NBPF11: variants seen among roughly 807,000 people sequenced by gnomAD.
The protein encoded by NBPF11 is NBPF member 11.
In NBPF11, 72 loss-of-function variants were observed where a neutral mutation model predicts 93.9. The observed-to-expected ratio is 0.77, with a 90% confidence interval of 0.63 to 0.93. The LOEUF is 0.93. Among genes scored for constraint, NBPF11 ranks in the 40% least tolerant of loss-of-function variants. The pLI, the probability that NBPF11 is intolerant of heterozygous loss-of-function variation, is 0.00. For synonymous variants in NBPF11, 224 were observed against 304.9 expected (o/e 0.73, Z 2.76); for missense variants, 705 against 802.2 (o/e 0.88, Z 1.46).
In NBPF11 at chr1:148,106,193, G is replaced by C. The variant is rs1227730050; in HGVS notation, c.2291C>G (p.Pro764Arg). Reference sequence around the variant, plus strand: ...ATTGCTCAGTTACCTGGGGCACGGTGGGCCTTGGTCTTCTTCCTCTTCTTG... The same window carrying C: ...ATTGCTCAGTTACCTGGGGCACGGTCGGCCTTGGTCTTCTTCCTCTTCTTG... ...KDQEEEEDQG[P>R]PCPRLSRELL... The change falls in exon 21 of 24, where the codon CCA becomes CGA. Residue 764 changes from proline to arginine, a missense_variant. By Grantham distance (103) the Pro-to-Arg change is moderately radical. Coordinates refer to ENST00000682118, the MANE Select transcript of NBPF11 (RefSeq NM_001385469.3). The C allele has an allele frequency of 1.1e-6, 1 of 943,472 alleles. No homozygotes were observed. Among genetic ancestry groups the C allele is most frequent in the East Asian group, 2.4e-5 (1 of 41,880 alleles). The allele number at this position is 943,472 out of a possible 1,614,324, so 58.4% of individuals were successfully genotyped here. A position where few individuals can be genotyped will look rare whatever the true frequency, so the allele number is the denominator to read the frequency against.
In NBPF11 at chr1:148,143,785, GGCAGGA is replaced by G. The variant is rs1236416537; in HGVS notation, c.-548-105_-548-100del. 5 of 153,508 alleles carry G rather than the reference GGCAGGA, an allele frequency of 3.3e-5. 1 individual carries two copies. Among genetic ancestry groups the G allele is most frequent in the African/African-American group, 1.2e-4 (5 of 40,970 alleles). 9.5% of individuals were successfully genotyped at this position (153,508 alleles called of 1,614,324 possible). ...CATTTACCGAGACTGGGAAGACCCAGGCAGGAGCAGATTGAAAGGTGGTGGGGAACT... is the reference window on the plus strand; with the variant it reads ...CATTTACCGAGACTGGGAAGACCCAGGCAGATTGAAAGGTGGTGGGGAACT... On this transcript the variant is annotated intron_variant, in intron 1 of 23. Transcript: ENST00000682118.
intron 21 of NBPF11, 86 bp downstream of exon 21, chr1:148,106,095 C>T (rs1317458300): frequency 6.0e-5 from 35 of 579,446 alleles, no homozygotes; most frequent in Admixed American, 9.1e-5. Flanking sequence ...AAGATGTAAT[C>T]GATAATGTCA....
At chr1:148,129,018 G>C (rs1247598335) in intron 4 of NBPF11, among the ~76,000 whole-genome samples, 1 of 148,536 alleles carries the variant, frequency 6.7e-6, no homozygotes. Flanking sequence ...GGCTGGGGGA[G>C]GGATAGCATT....
At chr1:148,148,943 G>A (rs1647468100) in intron 1 of NBPF11, among the ~76,000 whole-genome samples, 2 of 151,284 alleles carry the variant, frequency 1.3e-5, no homozygotes, top group African/African-American at 4.9e-5. Context: ...GAACGGCAGC[G>A]CAGGGAACGG....
At chr1:148,114,189 A>G (rs1182666627) in intron 15 of NBPF11, among the ~76,000 whole-genome samples, 1 of 147,878 alleles carries the variant, frequency 6.8e-6, no homozygotes, top group East Asian at 2.0e-4. Context: ...GTTTTTTGAA[A>G]AGATCAACAA....
intron 2 of NBPF11, among the ~76,000 whole-genome samples, chr1:148,140,759 G>A (rs1261974761): frequency 4.0e-5 from 6 of 151,840 alleles, no homozygotes; most frequent in Non-Finnish European, 2.9e-5. Flanking sequence ...ACCAAATGCT[G>A]TCAAAGATCA....
chr1:148,132,098 T>A (rs1316318127), intron 4 of NBPF11, among the ~76,000 whole-genome samples: 1 of 147,236 alleles, frequency 6.8e-6, no homozygotes, highest in Non-Finnish European at 1.5e-5. Flanking sequence ...ATTGTTTCAT[T>A]GTGCTGTTTA....
At position 148,134,206 on chromosome 1, in the gene NBPF11, G is replaced by C. The variant is rs1369635377; in HGVS notation, c.-36+1466C>G. 7.9e-4 allele frequency among the ~76,000 whole-genome samples: 119 copies of C among 151,454 alleles called. 1 individual carries two copies. Among genetic ancestry groups the C allele is most frequent in the African/African-American group, 2.8e-3 (114 of 41,122 alleles). ...TGCCTCTGGGTCTTCCTTGGTGGGA[G>C]CTAAAGGAACAAAGGTAAATAATGC... On this transcript the variant is annotated intron_variant, in intron 4 of 23. Coordinates refer to ENST00000682118, the MANE Select transcript of NBPF11 (RefSeq NM_001385469.3).
chr1:148,140,043 T>C (rs1165946450), intron 2 of NBPF11, among the ~76,000 whole-genome samples: 8 of 151,616 alleles, frequency 5.3e-5, no homozygotes, highest in Non-Finnish European at 4.4e-5. Context: ...TAAGCTACAG[T>C]AACCCAAATA....
Position 148,124,934 on chromosome 1 carries a change from C to A in NBPF11, c.243G>T (p.Lys81Asn). 6.2e-7 allele frequency: 1 copy of A among 1,610,046 alleles called. No individual in the cohort carries two copies. The highest frequency in any genetic ancestry group is 8.5e-7 in the Non-Finnish European group (1 of 1,179,826). Residue 81 changes from lysine (K) to asparagine (N), a missense_variant, in exon 6 of 24, where the codon AAG becomes AAT. Physicochemically the swap from Lys to Asn is moderately conservative, Grantham distance 94. This residue lies in a region of NBPF11 where 128 missense variants were observed against 112.8 expected (regional missense o/e 1.14). Coordinates refer to ENST00000682118, the MANE Select transcript of NBPF11 (RefSeq NM_001385469.3). ...LRNERQFKEE[K>N]LAEQLKQAEE... is the part of the protein sequence containing the mutation. ...CAGCTTGCTTGAGCTGCTCTGCAAG[C>A]TTCTCCTCCTTGAACTGTCGCTCAT... is the stretch of plus-strand genomic sequence containing the variant.
At chr1:148,138,860 G>A (rs1367732018) in intron 2 of NBPF11, among the ~76,000 whole-genome samples, 43 of 151,918 alleles carry the variant, frequency 2.8e-4, no homozygotes, top group Admixed American at 7.8e-4. Context: ...AGAGGCCAAG[G>A]CAGGTGGATC....
chr1:148,139,998 C>T (rs1414239346), intron 2 of NBPF11, among the ~76,000 whole-genome samples: 1 of 151,220 alleles, frequency 6.6e-6, no homozygotes, highest in Non-Finnish European at 1.5e-5. Flanking sequence ...GAAAAACTCC[C>T]TGAGGTTTGG....
intron 3 of NBPF11, among the ~76,000 whole-genome samples, chr1:148,137,246 C>G (rs1159410751): frequency 6.6e-6 from 1 of 151,734 alleles, no homozygotes; most frequent in Admixed American, 6.6e-5. Context: ...AAGGTGGGAG[C>G]TTGAGAAGGA....
At chr1:148,142,656 C>T (rs1248627858) in intron 2 of NBPF11, among the ~76,000 whole-genome samples, 53 of 152,204 alleles carry the variant, frequency 3.5e-4, no homozygotes, top group African/African-American at 1.3e-3. Flanking sequence ...CTCCCCCTCT[C>T]AATGCCTGCA....
chr1:148,120,129 T>C (rs1165182534), intron 10 of NBPF11, among the ~76,000 whole-genome samples: 1 of 151,858 alleles, frequency 6.6e-6, no homozygotes, highest in African/African-American at 2.4e-5. Flanking sequence ...GAATAAAAGT[T>C]CACTAGTCTC....
chr1:148,105,721 G>GAC (rs781939834), intron 21 of NBPF11, among the ~76,000 whole-genome samples, 193 bp from the exon 22 acceptor site: 47,568 of 93,242 alleles, frequency 0.51, 12,618 homozygotes, highest in East Asian at 0.61. Context: ...GAGAAAGACA[G>GAC]ACACACACAC....
chr1:148,123,717 G>T (rs1317620134), intron 7 of NBPF11, 136 bp downstream of exon 7: 2 of 1,573,522 alleles, frequency 1.3e-6, no homozygotes, highest in Non-Finnish European at 1.7e-6. Context: ...TACTCAGGAA[G>T]TCCTGATCAT....
chr1:148,112,271 T>C (rs1163608835), intron 15 of NBPF11, among the ~76,000 whole-genome samples: 2 of 144,102 alleles, frequency 1.4e-5, no homozygotes, highest in Non-Finnish European at 3.0e-5. Context: ...TCATTTAACA[T>C]TAGGTATATC....
rs1480222145 is a variant in NBPF11 at position 148,110,270 on chromosome 1, C to A, written c.1801+108G>T. ...TCTACATTGATATATAGGTTCAGCC[C>A]ACAGTGATGGCAACTCTCAGCCCAA... is the stretch of plus-strand genomic sequence containing the variant. On this transcript the variant is annotated intron_variant, in intron 16 of 23. Transcript: ENST00000682118. 2.4e-5 allele frequency: 35 copies of A among 1,447,362 alleles called. 1 individual carries two copies. Among genetic ancestry groups the A allele is most frequent in the Middle Eastern group, 2.5e-4 (1 of 4,058 alleles). The allele number at this position is 1,447,362 out of a possible 1,614,324, so 89.7% of individuals were successfully genotyped here. A position where few individuals can be genotyped will look rare whatever the true frequency, so the allele number is the denominator to read the frequency against.
Sources: gnomAD v4.1 joint callset for allele counts (sites outside exome capture counted in the v4.1 genomes callset) on GRCh38, gnomAD v4.1.1 for gene constraint, gnomAD v4.1.1 regional missense constraint, MANE v1.5 for transcripts, NCBI Gene and HGNC (gene_info 2026-07-23, HGNC 2026-07-21) for gene names.